The following CADPS variants were observed in gnomAD, a reference collection of about 807,000 sequenced individuals.
CADPS encodes calcium dependent secretion activator, also known as calcium-dependent secretion activator 1.
In CADPS, 57 loss-of-function variants were observed where a neutral mutation model predicts 167.3. The ratio of observed to expected loss-of-function variants is 0.34; its 90% CI spans 0.28 to 0.42. The LOEUF (loss-of-function observed/expected upper bound fraction) is 0.42, where lower values mean the gene tolerates loss of function less well. CADPS is among the 20% of genes least tolerant of loss of function. The probability of loss-of-function intolerance (pLI) is 1.00; values close to 1 mark genes in which losing one functional copy is unlikely to be tolerated. For synonymous variants in CADPS, 676 were observed against 635.3 expected, an observed-to-expected ratio of 1.06 and a Z score of -0.96; for missense variants, 1,414 against 1,738.1, an observed-to-expected ratio of 0.81 and a Z score of 3.32.
chr3:62,544,705 A>T lies in CADPS; in HGVS notation c.1966+5198T>A. On this transcript the variant is annotated intron_variant, in intron 11 of 29. Transcript: ENST00000383710. This position sits in a 1 kb window ranked among gnomAD's most constrained non-coding sequence, Gnocchi z 4.4. ...TTCAGTATGGAAGCTTACATTTCAA[A>T]CCTAAGGTCAGGAAAATAACATGAA... 8.4e-6 allele frequency: 2 copies of T among 237,594 alleles called. No homozygotes were observed. Among genetic ancestry groups the T allele is most frequent in the Non-Finnish European group, 1.4e-5 (2 of 138,968 alleles). The allele number at this position is 237,594 out of a possible 1,614,324, so 14.7% of individuals were successfully genotyped here.
At chr3:62,594,023 C>T (rs184462285) in intron 6 of CADPS, among the ~76,000 whole-genome samples, 200 of 152,246 alleles carry the variant, frequency 1.3e-3, no homozygotes, top group Middle Eastern at 3.4e-3. Context: ...ATGTCTTTTA[C>T]AGCACTAGAA....
intron 12 of CADPS, among the ~76,000 whole-genome samples, chr3:62,535,464 AAAAG>A (rs2074499089): frequency 1.3e-5 from 2 of 151,802 alleles, no homozygotes; most frequent in Non-Finnish European, 2.9e-5. Flanking sequence ...AAAATTAGAA[AAAAG>A]AAAGATTGTC....
At chr3:62,562,190 T>C (rs2079289746) in intron 9 of CADPS, among the ~76,000 whole-genome samples, 1 of 152,188 alleles carries the variant, frequency 6.6e-6, no homozygotes, top group Non-Finnish European at 1.5e-5. Flanking sequence ...AATCTGAGCA[T>C]GGAGAAAATT....
intron 24 of CADPS, among the ~76,000 whole-genome samples, chr3:62,469,127 G>A (rs1202920144): frequency 1.3e-5 from 2 of 152,176 alleles, no homozygotes; most frequent in Non-Finnish European, 2.9e-5. Context: ...CTTTGTGGAA[G>A]ATAGCAGAGC....
intron 1 of CADPS, among the ~76,000 whole-genome samples, chr3:62,770,913 C>T (rs1023217029): frequency 2.0e-5 from 3 of 152,154 alleles, no homozygotes; most frequent in East Asian, 3.9e-4. Flanking sequence ...GGTGTCAATA[C>T]GATCATACAT....
chr3:62,670,433 G>C (rs1385992710), intron 3 of CADPS, among the ~76,000 whole-genome samples: 1 of 152,148 alleles, frequency 6.6e-6, no homozygotes, highest in Non-Finnish European at 1.5e-5. Flanking sequence ...AAGATCATTT[G>C]TGTCTTTCTT....
chr3:62,873,106 AGTCT>A (rs2082938545), intron 1 of CADPS, among the ~76,000 whole-genome samples: 1 of 152,216 alleles, frequency 6.6e-6, no homozygotes. Context: ...AAAGATGGAG[AGTCT>A]TGTGTGTAAC....
chr3:62,503,441 A>G (rs2066106407), intron 17 of CADPS, among the ~76,000 whole-genome samples: 1 of 152,240 alleles, frequency 6.6e-6, no homozygotes, highest in South Asian at 2.1e-4. Context: ...AAAGCTCAAG[A>G]TGCCTACACA....
chr3:62,606,876 AG>A (rs2060765451), intron 6 of CADPS, among the ~76,000 whole-genome samples: 1 of 152,212 alleles, frequency 6.6e-6, no homozygotes, highest in Admixed American at 6.5e-5. Context: ...CCAAACCCAC[AG>A]TGAGAATCGA....
chr3:62,633,339 G>A (rs554595911), intron 6 of CADPS, among the ~76,000 whole-genome samples: 35 of 152,152 alleles, frequency 2.3e-4, no homozygotes, highest in Non-Finnish European at 4.4e-4. Flanking sequence ...TGCCTCATGC[G>A]GTCCTTCTCC....
At chr3:62,636,293 C>T (rs1489072184) in intron 6 of CADPS, among the ~76,000 whole-genome samples, 1 of 152,158 alleles carries the variant, frequency 6.6e-6, no homozygotes, top group East Asian at 1.9e-4. Flanking sequence ...GGTTGTATCA[C>T]CCCAAAGCTT....
intron 2 of CADPS, among the ~76,000 whole-genome samples, chr3:62,755,160 G>A (rs1194967215): frequency 3.3e-5 from 5 of 152,142 alleles, no homozygotes; most frequent in African/African-American, 1.2e-4. Context: ...CTACCAATGG[G>A]TAGTCTTTTT....
At chr3:62,457,695 T>C (rs1414790701) in intron 26 of CADPS, among the ~76,000 whole-genome samples, 2 of 152,106 alleles carry the variant, frequency 1.3e-5, no homozygotes, top group Non-Finnish European at 1.5e-5. Context: ...CAAATGTCCA[T>C]CAATGATAGA....
intron 1 of CADPS, among the ~76,000 whole-genome samples, chr3:62,776,456 C>A (rs1471022692): frequency 1.3e-5 from 2 of 152,184 alleles, no homozygotes; most frequent in Admixed American, 6.5e-5. Flanking sequence ...AGATCAAGAC[C>A]ATCCTGGCTA....
At chr3:62,772,597 G>A in intron 1 of CADPS, among the ~76,000 whole-genome samples, 1 of 151,998 alleles carries the variant, frequency 6.6e-6, no homozygotes, top group East Asian at 1.9e-4. Context: ...CCCATCTCTG[G>A]TTTTTTCATT....
chr3:62,494,669 A>ATTTTTTTTTTTTTTT (rs56153630), intron 18 of CADPS, among the ~76,000 whole-genome samples: 1 of 118,606 alleles, frequency 8.4e-6, no homozygotes, highest in African/African-American at 3.4e-5. Context: ...CTTACCAGCA[A>ATTTTTTTTTTTTTTT]TTTTTTTTTT....
intron 11 of CADPS, among the ~76,000 whole-genome samples, chr3:62,549,448 T>TG (rs1038784998): frequency 4.9e-4 from 5 of 10,140 alleles, no homozygotes; most frequent in East Asian, 0.019. Context: ...ATGTTTTGTG[T>TG]TTTTTTTTTT....
Position 62,412,168 on chromosome 3 carries a change from G to A in CADPS, c.3778-8983C>T, listed in dbSNP as rs1344672965. Among the ~76,000 whole-genome samples the A allele has an allele frequency of 6.8e-5, 8 of 117,498 alleles. No homozygotes were observed. The highest frequency in any genetic ancestry group is 2.1e-4 in the African/African-American group (7 of 33,396). The allele number at this position is 117,498 out of a possible 152,430, so 77.1% of individuals were successfully genotyped here. ...AGGATTTTTTTTTTTTTTTTTTAAC[G>A]TCCGTAATTCTTTGGATACCTGAAA... On this transcript the variant is annotated intron_variant, in intron 28 of 29. Coordinates refer to ENST00000383710, the MANE Select transcript of CADPS (RefSeq NM_003716.4). The surrounding 1 kb of genome is among the most constrained non-coding windows in gnomAD (Gnocchi z 4.1).
chr3:62,572,826 C>A (rs1578051451), intron 8 of CADPS, among the ~76,000 whole-genome samples: 1 of 152,190 alleles, frequency 6.6e-6, no homozygotes, highest in Non-Finnish European at 1.5e-5. Flanking sequence ...AAATCCACCA[C>A]CCTTACATAA....
Sources: allele counts gnomAD v4.1 joint callset (sites outside exome capture counted in the v4.1 genomes callset), GRCh38; gene constraint gnomAD v4.1.1; non-coding constraint Gnocchi (gnomAD v3.1); transcripts MANE v1.5; gene names NCBI Gene and HGNC (gene_info 2026-07-23, HGNC 2026-07-21).